The following FAM117B variants were observed in gnomAD, a reference collection of about 807,000 sequenced individuals.
FAM117B encodes family with sequence similarity 117 member B, also known as protein FAM117B.
In FAM117B, 22 loss-of-function variants were observed where a neutral mutation model predicts 52.8. The observed-to-expected ratio is 0.42, with a 90% CI of 0.30 to 0.59. FAM117B has a LOEUF of 0.59. Ranked by LOEUF, FAM117B falls within the 20% of genes least tolerant of loss-of-function variation. The probability of loss-of-function intolerance (pLI) is 0.22; values close to 1 mark genes in which losing one functional copy is unlikely to be tolerated. For missense variants in FAM117B, 678 were observed against 802.6 expected, an observed-to-expected ratio of 0.84 and a Z score of 1.88; for synonymous variants, 309 against 324.1, an observed-to-expected ratio of 0.95 and a Z score of 0.50.
chr2:202,739,735 C>G (rs1292522114), intron 4 of FAM117B, among the ~76,000 whole-genome samples: 1 of 152,002 alleles, frequency 6.6e-6, no homozygotes, highest in Non-Finnish European at 1.5e-5. Flanking sequence ...CCTGGAATTA[C>G]AGGTGTGAAC....
chr2:202,766,471 A>C lies in FAM117B; in HGVS notation c.*707A>C, dbSNP rs1691982466. The C allele has an allele frequency of 6.5e-6, 1 of 152,714 alleles. No homozygotes were observed. The highest frequency in any genetic ancestry group is 1.5e-5 in the Non-Finnish European group (1 of 68,068). 9.5% of individuals were successfully genotyped at this position (152,714 alleles called of 1,614,324 possible). ...TTATGTGATTTATGTTTTTGATGTCAAAAGTTTGTGCTTTGGGTGAAATAT... is the reference window on the plus strand; with the variant it reads ...TTATGTGATTTATGTTTTTGATGTCCAAAGTTTGTGCTTTGGGTGAAATAT... On this transcript the variant is annotated 3_prime_UTR_variant, in exon 8 of 8. Transcript: ENST00000392238.
chr2:202,737,258 G>C (rs933359747), intron 4 of FAM117B, among the ~76,000 whole-genome samples: 2 of 151,898 alleles, frequency 1.3e-5, no homozygotes. Flanking sequence ...ATATTAGGCA[G>C]GTAAAGATAT....
chr2:202,647,977 G>A lies in FAM117B; in HGVS notation c.601+12189G>A, dbSNP rs1250953388. ...GCTGCTTGGAGTCTTCGCCCTCAAGGAACTAACTCTGTAATTGTATGGTTT... is the reference window on the plus strand; with the variant it reads ...GCTGCTTGGAGTCTTCGCCCTCAAGAAACTAACTCTGTAATTGTATGGTTT... On this transcript the variant is annotated intron_variant, in intron 1 of 7. Transcript: ENST00000392238. 1.1e-4 allele frequency among the ~76,000 whole-genome samples: 16 copies of A among 152,122 alleles called. No homozygotes were observed. In the South Asian group the frequency reaches 3.1e-3, roughly 30 times the overall value.
chr2:202,698,336 C>T, intron 2 of FAM117B, among the ~76,000 whole-genome samples: 1 of 152,150 alleles, frequency 6.6e-6, no homozygotes, highest in East Asian at 1.9e-4. Context: ...TTTGGATTAC[C>T]TTGGTGTTTA....
intron 4 of FAM117B, among the ~76,000 whole-genome samples, chr2:202,755,183 T>G (rs573444494): frequency 7.3e-5 from 11 of 150,610 alleles, no homozygotes; most frequent in Admixed American, 2.0e-4. Flanking sequence ...ACATCCAAAC[T>G]GTATCATTGT....
intron 7 of FAM117B, among the ~76,000 whole-genome samples, chr2:202,761,163 C>T (rs1294333223): frequency 1.3e-5 from 2 of 152,198 alleles, no homozygotes; most frequent in Admixed American, 1.3e-4. Flanking sequence ...TCCTAAAATG[C>T]TGGGACTATA....
chr2:202,712,805 T>C (rs1690978869), intron 2 of FAM117B, among the ~76,000 whole-genome samples: 1 of 152,174 alleles, frequency 6.6e-6, no homozygotes. Context: ...AAAATGATCA[T>C]ATAGTTTTTG....
intron 1 of FAM117B, among the ~76,000 whole-genome samples, chr2:202,679,476 G>A (rs1469383429): frequency 6.6e-6 from 1 of 152,204 alleles, no homozygotes; most frequent in Non-Finnish European, 1.5e-5. Context: ...TATAGAATGT[G>A]TGTACAGTGA....
chr2:202,673,390 G>C (rs943667766), intron 1 of FAM117B, among the ~76,000 whole-genome samples: 9 of 144,256 alleles, frequency 6.2e-5, no homozygotes, highest in Admixed American at 2.8e-4. Context: ...TCCTGCTCTA[G>C]AGTGATGAAT....
rs1553519303 is a variant in FAM117B, at chr2:202,668,542, A to AAG, written c.602-27338_602-27337insGA. Among the ~76,000 whole-genome samples, 1,337 of 147,008 alleles carry AAG rather than the reference A, an allele frequency of 9.1e-3. 24 individuals carry two copies. The highest frequency in any genetic ancestry group is 0.031 in the African/African-American group (1,250 of 40,508). On this transcript the variant is annotated intron_variant, in intron 1 of 7. Transcript: ENST00000392238. Reference sequence around the variant, plus strand: ...GACTCTCTCTCAAAAAAAAAAAAAAAAAAAGAAAAAGAAGGTATAGTGAAC... The same window carrying AAG: ...GACTCTCTCTCAAAAAAAAAAAAAAAAGAAAAGAAAAAGAAGGTATAGTGAAC...
At chr2:202,733,204 G>C (rs535759340) in intron 4 of FAM117B, among the ~76,000 whole-genome samples, 122 of 152,146 alleles carry the variant, frequency 8.0e-4, no homozygotes, top group African/African-American at 2.8e-3. Context: ...AGGTCACAAA[G>C]ATCACATGCT....
At chr2:202,705,484 T>G (rs1033914282) in intron 2 of FAM117B, among the ~76,000 whole-genome samples, 2 of 152,180 alleles carry the variant, frequency 1.3e-5, no homozygotes, top group African/African-American at 4.8e-5. Context: ...GGTATTCTCT[T>G]TTTTTCCTGT....
chr2:202,745,542 C>A (rs1691618556), intron 4 of FAM117B, among the ~76,000 whole-genome samples: 1 of 152,092 alleles, frequency 6.6e-6, no homozygotes, highest in Non-Finnish European at 1.5e-5. Flanking sequence ...AAGAAAGGAA[C>A]AAAGGATATA....
At chr2:202,731,545 C>T (rs1691351385) in intron 4 of FAM117B, among the ~76,000 whole-genome samples, 1 of 151,510 alleles carries the variant, frequency 6.6e-6, no homozygotes, top group Non-Finnish European at 1.5e-5. Context: ...ATTCTCCTGC[C>T]TCAGCTTCCT....
chr2:202,737,758 C>T (rs780436962), intron 4 of FAM117B, among the ~76,000 whole-genome samples: 18 of 152,128 alleles, frequency 1.2e-4, no homozygotes, highest in Admixed American at 3.9e-4. Flanking sequence ...CACACCACCA[C>T]GCCCAGCTAA....
At chr2:202,746,902 C>A (rs1691641737) in intron 4 of FAM117B, among the ~76,000 whole-genome samples, 1 of 151,080 alleles carries the variant, frequency 6.6e-6, no homozygotes, top group African/African-American at 2.4e-5. Flanking sequence ...ATGAGGCCAG[C>A]ATTACCCTGT....
At chr2:202,762,899 G>T (rs1389873609) in intron 7 of FAM117B, among the ~76,000 whole-genome samples, 3 of 151,498 alleles carry the variant, frequency 2.0e-5, no homozygotes, top group African/African-American at 7.3e-5. Flanking sequence ...TTTGTGTGAG[G>T]TATATCGTAA....
intron 7 of FAM117B, among the ~76,000 whole-genome samples, chr2:202,764,234 T>G (rs921711402): frequency 1.1e-4 from 17 of 152,162 alleles, no homozygotes; most frequent in Non-Finnish European, 2.4e-4. Context: ...CAGAATTTAG[T>G]GAACACTTGC....
chr2:202,729,553 T>C (rs1345302392), intron 4 of FAM117B, among the ~76,000 whole-genome samples: 1 of 152,218 alleles, frequency 6.6e-6, no homozygotes, highest in Non-Finnish European at 1.5e-5. Context: ...AAATATTGTC[T>C]GTCCTTACCA....
Sources: gnomAD v4.1 joint callset for allele counts (sites outside exome capture counted in the v4.1 genomes callset) on GRCh38, gnomAD v4.1.1 for gene constraint, MANE v1.5 for transcripts, NCBI Gene and HGNC (gene_info 2026-07-23, HGNC 2026-07-21) for gene names.